VWDE: variants seen among roughly 807,000 people sequenced by gnomAD.
The protein encoded by VWDE is von Willebrand factor D and EGF domain-containing protein.
Under a neutral mutation model 178.4 loss-of-function variants are expected in VWDE, and 207 were observed. The ratio of observed to expected loss-of-function variants is 1.16; its 90% CI spans 1.04 to 1.30. VWDE has a LOEUF of 1.30. VWDE is among the 50% of genes most tolerant of loss of function. The pLI, the probability that VWDE is intolerant of heterozygous loss-of-function variation, is 0.00. For missense variants in VWDE, 2,287 were observed against 1,901.3 expected, an observed-to-expected ratio of 1.20 and a Z score of -3.77; for synonymous variants, 738 against 651.4, an observed-to-expected ratio of 1.13 and a Z score of -2.02.
intron 21 of VWDE, 31 bp downstream of exon 21, chr7:12,344,164 C>G (rs773797769): frequency 9.1e-6 from 14 of 1,534,610 alleles, no homozygotes; most frequent in Middle Eastern, 1.7e-4. Context: ...TATTTTAGGC[C>G]TTATATTTGA....
At chr7:12,390,555 T>G (rs1255280604) in intron 2 of VWDE, among the ~76,000 whole-genome samples, 2 of 151,704 alleles carry the variant, frequency 1.3e-5, no homozygotes, top group Non-Finnish European at 2.9e-5. Flanking sequence ...ATTATAATTT[T>G]TAAAATATAA....
intron 18 of VWDE, among the ~76,000 whole-genome samples, chr7:12,355,688 T>G (rs967835918): frequency 6.6e-6 from 1 of 152,190 alleles, no homozygotes; most frequent in Non-Finnish European, 1.5e-5. Flanking sequence ...AACATTTCAT[T>G]TGATTTCAAC....
In VWDE at chr7:12,370,350, G is replaced by A. The variant is rs906708974; in HGVS notation, c.1956C>T (p.Asp652=). ...AAGAAGATAAGCTGACATGATTGAG[G>A]TCTTTGCAACCCAAGGCAATTTCTG... ...SRSEIALGCK[D]LNHVSLSSLI... The change falls in exon 12 of 29, where the codon GAC becomes GAT. Residue 652 remains aspartate, a synonymous_variant. Transcript: ENST00000275358. 1 of 1,551,126 alleles carries A rather than the reference G, an allele frequency of 6.4e-7. No individual in the cohort carries two copies. Among genetic ancestry groups the A allele is most frequent in the Non-Finnish European group, 8.7e-7 (1 of 1,146,824 alleles).
intron 17 of VWDE, 105 bp from the exon 18 acceptor site, chr7:12,356,435 C>T (rs1356238806): frequency 1.3e-6 from 1 of 791,050 alleles, no homozygotes; most frequent in East Asian, 2.7e-5. Context: ...CAAGTATGAC[C>T]AAATCACTTA....
At chr7:12,383,627 T>A in intron 3 of VWDE, 26 bp from the exon 4 acceptor site, 2 of 1,543,018 alleles carry the variant, frequency 1.3e-6, no homozygotes, top group Non-Finnish European at 1.8e-6. Context: ...GTTTGTATAA[T>A]TATTCAGCTG....
In VWDE at chr7:12,403,769, C is replaced by T. The variant is rs980047681; in HGVS notation, c.-53G>A. Reference sequence around the variant, plus strand: ...CGTCGCAGAGCCCGGGCCGCGGGTGCCAGGAGGATGGGGCCACAGCAGCCC... The same window carrying T: ...CGTCGCAGAGCCCGGGCCGCGGGTGTCAGGAGGATGGGGCCACAGCAGCCC... On this transcript the variant is annotated 5_prime_UTR_variant, in exon 1 of 29. Transcript: ENST00000275358. The T allele has an allele frequency of 5.3e-5, 81 of 1,538,412 alleles. No individual in the cohort carries two copies. Among genetic ancestry groups the T allele is most frequent in the Non-Finnish European group, 6.9e-5 (78 of 1,136,746 alleles).
At chr7:12,397,738 A>C (rs1409103164) in intron 1 of VWDE, among the ~76,000 whole-genome samples, 1 of 152,188 alleles carries the variant, frequency 6.6e-6, no homozygotes, top group Non-Finnish European at 1.5e-5. Context: ...AACCCCATTG[A>C]AAAGTGGGCA....
chr7:12,342,896 T>C (rs10229123), intron 22 of VWDE, among the ~76,000 whole-genome samples, 187 bp downstream of exon 22: 90,845 of 147,006 alleles, frequency 0.62, 27,993 homozygotes, highest in African/African-American at 0.7. Flanking sequence ...TGTGATCCCA[T>C]TGTTCAATTC....
chr7:12,363,237 G>T (rs1782679374), intron 13 of VWDE, among the ~76,000 whole-genome samples: 1 of 152,020 alleles, frequency 6.6e-6, no homozygotes, highest in East Asian at 1.9e-4. Flanking sequence ...AAATAAAAAG[G>T]GAGACTGCTA....
chr7:12,380,033 G>A (rs930155267), intron 5 of VWDE, among the ~76,000 whole-genome samples: 1 of 151,720 alleles, frequency 6.6e-6, no homozygotes, highest in Non-Finnish European at 1.5e-5. Context: ...GAGAGGCGGA[G>A]GTTGCAGTGA....
chr7:12,347,795 G>A (rs1423660736), intron 19 of VWDE, among the ~76,000 whole-genome samples: 1 of 151,984 alleles, frequency 6.6e-6, no homozygotes, highest in Non-Finnish European at 1.5e-5. Context: ...AACAAAGCTG[G>A]AGGCATCACA....
chr7:12,366,254 T>C (rs574538629), intron 13 of VWDE, among the ~76,000 whole-genome samples: 19 of 152,094 alleles, frequency 1.2e-4, no homozygotes, highest in Middle Eastern at 3.2e-3. Context: ...TATAGTGTGT[T>C]AGAGGATTCC....
intron 1 of VWDE, among the ~76,000 whole-genome samples, chr7:12,398,730 G>A (rs1348310465): frequency 6.6e-5 from 10 of 152,252 alleles, no homozygotes; most frequent in East Asian, 3.9e-4. Context: ...AGACTAAAAC[G>A]TGTCCTTGGC....
intron 8 of VWDE, 51 bp downstream of exon 8, chr7:12,374,959 A>C: frequency 6.7e-7 from 1 of 1,489,888 alleles, no homozygotes; most frequent in East Asian, 2.5e-5. Context: ...GATAAAATAC[A>C]CATTTCTTCT....
intron 1 of VWDE, among the ~76,000 whole-genome samples, chr7:12,398,434 T>A (rs1171714729): frequency 6.6e-6 from 1 of 152,174 alleles, no homozygotes; most frequent in Non-Finnish European, 1.5e-5. Context: ...ATTGCTTAAC[T>A]GATCATCAGC....
At chr7:12,339,637 G>A (rs1364214823) in intron 24 of VWDE, among the ~76,000 whole-genome samples, 2 of 151,900 alleles carry the variant, frequency 1.3e-5, no homozygotes, top group African/African-American at 2.4e-5. Flanking sequence ...TAAATTTTAG[G>A]AATTAAATTA....
At position 12,370,861 on chromosome 7, in the gene VWDE, A is replaced by T; in HGVS notation, c.1591T>A (p.Trp531Arg). 6.6e-7 allele frequency: 1 copy of T among 1,512,776 alleles called. No individual in the cohort carries two copies. Among genetic ancestry groups the T allele is most frequent in the African/African-American group, 1.4e-5 (1 of 71,388 alleles). 93.7% of individuals were successfully genotyped at this position (1,512,776 alleles called of 1,614,324 possible). ...CGGATAAATGCCCCAGAAGAAAACC[A>T]GATCTGAAAAACAGAAATAAATACA... Reference protein sequence around the residue: ...ESYLGRKVTIWFSSGAFIRAD... With the variant: ...ESYLGRKVTIRFSSGAFIRAD... The change falls in exon 11 of 29, where the codon TGG becomes AGG. Residue 531 changes from tryptophan to arginine, a missense_variant. By Grantham distance (101) the Trp-to-Arg change is moderately radical (BLOSUM62 -3). Transcript: ENST00000275358.
intron 4 of VWDE, among the ~76,000 whole-genome samples, chr7:12,382,825 T>A (rs1783922347): frequency 6.6e-6 from 1 of 151,964 alleles, no homozygotes; most frequent in Non-Finnish European, 1.5e-5. Flanking sequence ...ACTTAGATAA[T>A]CTACTTAGAG....
intron 6 of VWDE, 105 bp downstream of exon 6, chr7:12,379,372 G>A (rs1783709574): frequency 1.5e-6 from 1 of 685,618 alleles, no homozygotes; most frequent in Admixed American, 3.6e-5. Context: ...TCAACATTCC[G>A]ATTCAGTCTG....
Sources: gnomAD v4.1 joint callset for allele counts (sites outside exome capture counted in the v4.1 genomes callset) on GRCh38, gnomAD v4.1.1 for gene constraint, MANE v1.5 for transcripts, NCBI Gene and HGNC (gene_info 2026-07-23, HGNC 2026-07-21) for gene names.